The following TRIM33 variants were observed in gnomAD, a reference collection of about 807,000 sequenced individuals.
TRIM33 encodes tripartite motif containing 33.
TRIM33 carries 20 observed loss-of-function variants against 125.4 expected under a neutral mutation model. The ratio of observed to expected loss-of-function variants is 0.16; its 90% CI spans 0.11 to 0.23. TRIM33 has a LOEUF of 0.23. TRIM33 is among the 10% of genes least tolerant of loss of function. TRIM33 has a pLI of 1.00. For synonymous variants in TRIM33, 564 were observed against 513.9 expected, an observed-to-expected ratio of 1.10 and a Z score of -1.32; for missense variants, 920 against 1,411.4, an observed-to-expected ratio of 0.65 and a Z score of 5.58.
rs1307021056 is a variant in TRIM33 at position 114,400,574 on chromosome 1, T to TA, written c.2967+814dup. On this transcript the variant is annotated intron_variant, in intron 17 of 19. Transcript: ENST00000358465. ...TTTTCTACTTTAAAATCCCTGCACT[T>TA]AAAGATGAGACAAATTTTCCAGAAA... is the stretch of plus-strand genomic sequence containing the variant. Among the ~76,000 whole-genome samples, 4 of 152,326 alleles carry TA rather than the reference T, an allele frequency of 2.6e-5. No individual in the cohort carries two copies. In the East Asian group the frequency reaches 7.7e-4, roughly 29 times the overall value.
chr1:114,450,529 T>A (rs1335790680), intron 4 of TRIM33, among the ~76,000 whole-genome samples: 1 of 152,202 alleles, frequency 6.6e-6, no homozygotes, highest in Non-Finnish European at 1.5e-5. Flanking sequence ...ATTTCATTGC[T>A]GGCTTTGGAA....
rs748599353 is a variant in TRIM33 at position 114,424,662 on chromosome 1, C to G, written c.1789G>C (p.Ala597Pro). ...TGCCTGGGTATCCCTGGTATTCTGGCAGCATTCTGAGCCAGTCTCATCTGA... is the reference window on the plus strand; with the variant it reads ...TGCCTGGGTATCCCTGGTATTCTGGGAGCATTCTGAGCCAGTCTCATCTGA... ...AHQMRLAQNAARIPGIPRHSG... is the reference protein window; with the variant it reads ...AHQMRLAQNAPRIPGIPRHSG... The change falls in exon 10 of 20, where the codon GCC (alanine) becomes CCC (proline). Residue 597 changes from alanine to proline, a missense_variant. Coordinates refer to ENST00000358465, the MANE Select transcript of TRIM33 (RefSeq NM_015906.4). The G allele has an allele frequency of 7.4e-6, 12 of 1,611,420 alleles. No homozygotes were observed. Among genetic ancestry groups the G allele is most frequent in the Non-Finnish European group, 1.0e-5 (12 of 1,178,610 alleles).
At position 114,397,608 on chromosome 1, in the gene TRIM33, T is replaced by TTTGG; in HGVS notation, c.*39_*40insCCAA. 6 of 711,396 alleles carry TTTGG rather than the reference T, an allele frequency of 8.4e-6. No homozygotes were observed. Among genetic ancestry groups the TTTGG allele is most frequent in the African/African-American group, 2.3e-5 (1 of 43,584 alleles). 44.1% of individuals were successfully genotyped at this position (711,396 alleles called of 1,614,324 possible). On this transcript the variant is annotated 3_prime_UTR_variant, in exon 20 of 20. Transcript: ENST00000358465. ...TTTTGTGTTTTTTTTTTTTTTTTCG[T>TTTGG]TTTTTTTTTTTTAAACAATTGATTT...
chr1:114,481,590 G>GA (rs1419059775), intron 1 of TRIM33, among the ~76,000 whole-genome samples: 2 of 135,220 alleles, frequency 1.5e-5, no homozygotes, highest in Non-Finnish European at 3.2e-5. Flanking sequence ...GACACTGTCC[G>GA]AAAAAAAACC....
rs749432045 is a variant in TRIM33 at position 114,394,624 on chromosome 1, C to T, written c.*3024G>A. On this transcript the variant is annotated 3_prime_UTR_variant, in exon 20 of 20. Transcript: ENST00000358465. ...TTAAGATACAGAAGTCAGAAAGTAC[C>T]AACTTGTTGATCCAAAAATAATAAT... is the stretch of plus-strand genomic sequence containing the variant. 4.8e-6 allele frequency: 1 copy of T among 206,436 alleles called. No individual in the cohort carries two copies. Among genetic ancestry groups the T allele is most frequent in the Non-Finnish European group, 9.9e-6 (1 of 101,026 alleles). 12.8% of individuals were successfully genotyped at this position (206,436 alleles called of 1,614,324 possible).
chr1:114,446,157 A>T (rs993744280), intron 4 of TRIM33, among the ~76,000 whole-genome samples: 1 of 152,170 alleles, frequency 6.6e-6, no homozygotes, highest in African/African-American at 2.4e-5. Context: ...TGCCCAGCTT[A>T]AATTGAGGAT....
chr1:114,490,378 AAAG>A (rs1331313694), intron 1 of TRIM33, among the ~76,000 whole-genome samples: 2 of 152,192 alleles, frequency 1.3e-5, no homozygotes, highest in Non-Finnish European at 2.9e-5. Flanking sequence ...CTACAATAAA[AAAG>A]ATAACAATTG....
At chr1:114,499,938 A>C (rs1208848025) in intron 1 of TRIM33, among the ~76,000 whole-genome samples, 1 of 152,232 alleles carries the variant, frequency 6.6e-6, no homozygotes, top group Non-Finnish European at 1.5e-5. Flanking sequence ...AGGCAGGCAG[A>C]TCACTTGAGC....
At chr1:114,398,456 A>G (rs952034905) in intron 18 of TRIM33, among the ~76,000 whole-genome samples, 17 of 152,190 alleles carry the variant, frequency 1.1e-4, no homozygotes, top group East Asian at 1.9e-4. Context: ...TTATTTGAAA[A>G]TAATTTAACT....
At chr1:114,479,663 G>C (rs994615801) in intron 1 of TRIM33, among the ~76,000 whole-genome samples, 1 of 152,186 alleles carries the variant, frequency 6.6e-6, no homozygotes, top group Non-Finnish European at 1.5e-5. Flanking sequence ...CTATATAAAT[G>C]TAACAATCAT....
chr1:114,451,036 G>A (rs887725906), intron 4 of TRIM33, among the ~76,000 whole-genome samples: 7 of 152,086 alleles, frequency 4.6e-5, no homozygotes, highest in Non-Finnish European at 2.9e-5. Context: ...ACAGTGAAAT[G>A]AAAAAGCGCC....
At chr1:114,473,484 C>T (rs997872849) in intron 1 of TRIM33, among the ~76,000 whole-genome samples, 3 of 151,738 alleles carry the variant, frequency 2.0e-5, no homozygotes, top group Admixed American at 6.6e-5. Flanking sequence ...AAGAGAGTGA[C>T]GGGGTGAGTG....
At chr1:114,508,939 A>C (rs144422273) in intron 1 of TRIM33, among the ~76,000 whole-genome samples, 128 of 152,342 alleles carry the variant, frequency 8.4e-4, no homozygotes, top group African/African-American at 2.9e-3. Context: ...AGTCGTAAGT[A>C]GGAGATGGCA....
chr1:114,484,248 AG>A (rs763637725), intron 1 of TRIM33, among the ~76,000 whole-genome samples: 1 of 152,192 alleles, frequency 6.6e-6, no homozygotes, highest in Non-Finnish European at 1.5e-5. Context: ...GACTTAAATG[AG>A]TTATTTTATA....
intron 8 of TRIM33, among the ~76,000 whole-genome samples, chr1:114,425,990 A>G (rs189093487): frequency 1.7e-3 from 260 of 152,336 alleles, no homozygotes; most frequent in Middle Eastern, 3.4e-3. Flanking sequence ...AAATTAAGAC[A>G]GTAAAAGAGA....
intron 1 of TRIM33, among the ~76,000 whole-genome samples, chr1:114,475,808 G>A (rs1650943373): frequency 6.6e-6 from 1 of 152,096 alleles, no homozygotes; most frequent in Admixed American, 6.6e-5. Context: ...AAAGGATCCA[G>A]CCTAGGCAAC....
intron 6 of TRIM33, 36 bp from the exon 7 acceptor site, chr1:114,427,930 T>A: frequency 1.9e-6 from 3 of 1,602,962 alleles, no homozygotes; most frequent in Admixed American, 1.7e-5. Flanking sequence ...TAGAATTCCA[T>A]ATGAAAAAAA....
At chr1:114,436,948 G>A (rs2101217531) in intron 4 of TRIM33, among the ~76,000 whole-genome samples, 1 of 152,212 alleles carries the variant, frequency 6.6e-6, no homozygotes, top group South Asian at 2.1e-4. Context: ...TTTTGACTTA[G>A]CTTTATTTAC....
At chr1:114,495,939 A>G (rs1313002201) in intron 1 of TRIM33, among the ~76,000 whole-genome samples, 1 of 152,176 alleles carries the variant, frequency 6.6e-6, no homozygotes, top group Admixed American at 6.5e-5. Flanking sequence ...ATAATCTCTT[A>G]CCTCTCCAGC....
Sources: allele counts gnomAD v4.1 joint callset (sites outside exome capture counted in the v4.1 genomes callset), GRCh38; gene constraint gnomAD v4.1.1; transcripts MANE v1.5; gene names NCBI Gene and HGNC (gene_info 2026-07-23, HGNC 2026-07-21).